LGR6: variants seen among roughly 807,000 people sequenced by gnomAD.
LGR6 encodes leucine rich repeat containing G protein-coupled receptor 6.
A neutral mutation model predicts 69.4 loss-of-function variants in LGR6; 45 were observed. The ratio of observed to expected loss-of-function variants is 0.65; its 90% confidence interval spans 0.51 to 0.83. The LOEUF (loss-of-function observed/expected upper bound fraction) is 0.83. LGR6 is among the 40% of genes least tolerant of loss of function. The probability of loss-of-function intolerance (pLI) is 0.00; values close to 1 mark genes in which losing one functional copy is unlikely to be tolerated. For synonymous variants in LGR6, 538 were observed against 555.0 expected, an observed-to-expected ratio of 0.97 and a Z score of 0.43; for missense variants, 1,108 against 1,246.7, an observed-to-expected ratio of 0.89 and a Z score of 1.68.
At chr1:202,243,735 G>A (rs1662401071) in intron 4 of LGR6, among the ~76,000 whole-genome samples, 1 of 152,110 alleles carries the variant, frequency 6.6e-6, no homozygotes, top group South Asian at 2.1e-4. Flanking sequence ...ATCTTCAAGA[G>A]GGCCCAAGTG....
chr1:202,303,428 G>C (rs1198523184), intron 10 of LGR6, 81 bp downstream of exon 10: 16 of 1,114,004 alleles, frequency 1.4e-5, no homozygotes, highest in Non-Finnish European at 2.1e-5. Flanking sequence ...CCCCTGGAAG[G>C]CTGTCTAGGT....
At chr1:202,196,302 GC>G (rs1484017503) in intron 1 of LGR6, among the ~76,000 whole-genome samples, 1 of 152,044 alleles carries the variant, frequency 6.6e-6, no homozygotes, top group Non-Finnish European at 1.5e-5. Context: ...TTCTTTCTTT[GC>G]CCTCTCTGGA....
chr1:202,203,768 G>T, intron 1 of LGR6: 1 of 1,609,472 alleles, frequency 6.2e-7, no homozygotes, highest in Non-Finnish European at 8.5e-7. Context: ...CTCCTAATGC[G>T]GAAGCCCCTG....
chr1:202,215,545 G>A (rs977236586), intron 1 of LGR6, among the ~76,000 whole-genome samples: 24 of 152,208 alleles, frequency 1.6e-4, no homozygotes, highest in African/African-American at 5.3e-4. Flanking sequence ...GGCTAGAAGA[G>A]ATGCTGGTGA....
intron 4 of LGR6, among the ~76,000 whole-genome samples, chr1:202,265,842 A>C (rs1035428500): frequency 1.3e-5 from 2 of 152,254 alleles, no homozygotes; most frequent in Admixed American, 1.3e-4. Flanking sequence ...GGCAAGTTTC[A>C]GGGAAAGAGG....
At chr1:202,252,016 G>C (rs1026803379) in intron 4 of LGR6, among the ~76,000 whole-genome samples, 30 of 151,948 alleles carry the variant, frequency 2.0e-4, no homozygotes, top group African/African-American at 7.2e-4. Context: ...GGTTGGAGGG[G>C]GTGTGGTGAA....
At chr1:202,215,380 G>C (rs1374175162) in intron 1 of LGR6, among the ~76,000 whole-genome samples, 3 of 152,176 alleles carry the variant, frequency 2.0e-5, no homozygotes, top group Non-Finnish European at 4.4e-5. Context: ...GGAGGGAAGT[G>C]CAGTTTTTAC....
chr1:202,252,326 A>G (rs115994107), intron 4 of LGR6, among the ~76,000 whole-genome samples: 2,486 of 152,174 alleles, frequency 0.016, 79 homozygotes, highest in African/African-American at 0.056. Context: ...GCCTGCATCA[A>G]TACAGCCCTC....
chr1:202,205,317 T>C (rs1456421716), intron 1 of LGR6, among the ~76,000 whole-genome samples: 1 of 3,428 alleles, frequency 2.9e-4, no homozygotes, highest in Non-Finnish European at 5.4e-4. Context: ...CACACGCACC[T>C]CCAAACACAC....
At chr1:202,271,296 G>A (rs1019609186) in intron 4 of LGR6, among the ~76,000 whole-genome samples, 12 of 152,070 alleles carry the variant, frequency 7.9e-5, no homozygotes, top group Non-Finnish European at 1.6e-4. Flanking sequence ...CCAGATGGCA[G>A]GGGAGCCTAG....
At chr1:202,280,746 G>C (rs1571955283) in intron 5 of LGR6, 35 bp from the exon 6 acceptor site, 1 of 1,606,712 alleles carries the variant, frequency 6.2e-7, no homozygotes, top group East Asian at 2.2e-5. Context: ...AGTGCCGTGG[G>C]CACCCATTCT....
chr1:202,279,256 C>T (rs998842141), intron 5 of LGR6, among the ~76,000 whole-genome samples: 1 of 152,180 alleles, frequency 6.6e-6, no homozygotes, highest in Non-Finnish European at 1.5e-5. Context: ...CCCTTTGGAT[C>T]AGAAGCTCCC....
At chr1:202,315,390 C>T (rs1481909328) in intron 17 of LGR6, among the ~76,000 whole-genome samples, 1 of 152,250 alleles carries the variant, frequency 6.6e-6, no homozygotes, top group Non-Finnish European at 1.5e-5. Context: ...CCTTACAGCA[C>T]CATCTAACGC....
intron 4 of LGR6, among the ~76,000 whole-genome samples, chr1:202,263,312 G>T (rs1032524958): frequency 6.6e-6 from 1 of 151,762 alleles, no homozygotes; most frequent in Non-Finnish European, 1.5e-5. Context: ...TAGTAGAGAC[G>T]GGGGTTTCAC....
chr1:202,271,828 AAGAG>A (rs1369261344), intron 4 of LGR6, among the ~76,000 whole-genome samples: 5 of 150,958 alleles, frequency 3.3e-5, no homozygotes, highest in African/African-American at 9.7e-5. Flanking sequence ...AAAAAAAAAA[AAGAG>A]AGAGGGGAGA....
At chr1:202,195,091 C>T (rs969210327) in intron 1 of LGR6, among the ~76,000 whole-genome samples, 4 of 152,176 alleles carry the variant, frequency 2.6e-5, no homozygotes, top group Non-Finnish European at 2.9e-5. Context: ...CCCCCAGCCC[C>T]GCTCTGGGGC....
chr1:202,319,013 T>C lies in LGR6; in HGVS notation c.2710T>C (p.Cys904Arg), dbSNP rs772533688. ...CTTCCCCTCAGTGACCCTCATCTCC[T>C]GTCAGCAGCCAGGGGCCCCCAGGCT... is the stretch of plus-strand genomic sequence containing the variant. ...YGFPSVTLIS[C>R]QQPGAPRLEG... The change falls in exon 18 of 18, where the codon TGT (cysteine) becomes CGT (arginine). Residue 904 changes from cysteine to arginine, a missense_variant. Coordinates refer to ENST00000367278, the MANE Select transcript of LGR6 (RefSeq NM_001017403.2). The C allele has an allele frequency of 2.4e-5, 38 of 1,613,944 alleles. No homozygotes were observed. The highest frequency in any genetic ancestry group is 2.2e-5 in the Non-Finnish European group (26 of 1,179,968).
intron 1 of LGR6, chr1:202,214,095 A>T: frequency 7.2e-7 from 1 of 1,396,854 alleles, no homozygotes; most frequent in Non-Finnish European, 9.3e-7. Flanking sequence ...AGAGAGGATC[A>T]GCGCGGAGGG....
At position 202,225,453 on chromosome 1, in the gene LGR6, T is replaced by C. The variant is rs146473086; in HGVS notation, c.243T>C (p.Leu81=). The change falls in exon 2 of 18, where the codon CTT becomes CTC. Residue 81 remains leucine, a synonymous_variant. Coordinates refer to ENST00000367278, the MANE Select transcript of LGR6 (RefSeq NM_001017403.2). The part of the protein sequence containing the change: ...LDLSMNNLTE[L]QPGLFHHLRF... Reference sequence around the variant, plus strand: ...TCAGCATGAACAACCTCACAGAGCTTCAGCCTGGCCTCTTCCACCACCTGC... The same window carrying C: ...TCAGCATGAACAACCTCACAGAGCTCCAGCCTGGCCTCTTCCACCACCTGC... 3.6e-4 allele frequency: 579 copies of C among 1,613,892 alleles called. No homozygotes were observed. The highest frequency in any genetic ancestry group is 4.7e-4 in the Non-Finnish European group (555 of 1,179,920).
Sources: allele counts gnomAD v4.1 joint callset (sites outside exome capture counted in the v4.1 genomes callset), GRCh38; gene constraint gnomAD v4.1.1; transcripts MANE v1.5; gene names NCBI Gene and HGNC (gene_info 2026-07-23, HGNC 2026-07-21).